FREM2: variants seen among roughly 807,000 people sequenced by gnomAD.
The protein encoded by FREM2 is FRAS1 related extracellular matrix 2, also known as FRAS1-related extracellular matrix protein 2.
Under a neutral mutation model 219.9 loss-of-function variants are expected in FREM2, and 119 were observed. The observed-to-expected ratio is 0.54, with a 90% CI of 0.47 to 0.63. The LOEUF (loss-of-function observed/expected upper bound fraction) is 0.63, where lower values mean the gene tolerates loss of function less well. Ranked by LOEUF, FREM2 falls within the 30% of genes least tolerant of loss-of-function variation. The pLI is 0.00. For synonymous variants in FREM2, 1,562 were observed against 1,522.8 expected (o/e 1.03, Z -0.60); for missense variants, 4,030 against 3,993.6 (o/e 1.01, Z -0.25).
At chr13:38,765,817 C>T (rs1873413559) in intron 3 of FREM2, among the ~76,000 whole-genome samples, 1 of 151,940 alleles carries the variant, frequency 6.6e-6, no homozygotes, top group Admixed American at 6.5e-5. Flanking sequence ...CGCGGCCTCA[C>T]CCCCAGCCTC....
At chr13:38,726,780 T>C (rs1243418509) in intron 2 of FREM2, among the ~76,000 whole-genome samples, 1 of 152,214 alleles carries the variant, frequency 6.6e-6, no homozygotes, top group Non-Finnish European at 1.5e-5. Context: ...TGCTCTTATA[T>C]GCTATTTTCA....
At chr13:38,790,617 A>C (rs1157695815) in intron 6 of FREM2, among the ~76,000 whole-genome samples, 1 of 152,166 alleles carries the variant, frequency 6.6e-6, no homozygotes, top group South Asian at 2.1e-4. Context: ...ATCAGTTCTC[A>C]TGTCAGGAAT....
At chr13:38,854,372 C>T (rs780230490) in intron 11 of FREM2, among the ~76,000 whole-genome samples, 9 of 151,998 alleles carry the variant, frequency 5.9e-5, no homozygotes, top group South Asian at 2.1e-4. Flanking sequence ...GCAATGAAAA[C>T]GAGTAAACCA....
chr13:38,728,613 G>A (rs1272099597), intron 2 of FREM2, among the ~76,000 whole-genome samples: 4 of 151,794 alleles, frequency 2.6e-5, no homozygotes, highest in African/African-American at 7.3e-5. Flanking sequence ...GTGTTTCACC[G>A]TGTTGCATAG....
chr13:38,798,036 A>G (rs970613650), intron 6 of FREM2, among the ~76,000 whole-genome samples: 10 of 152,094 alleles, frequency 6.6e-5, no homozygotes, highest in Admixed American at 3.3e-4. Context: ...GAAAGCAGGC[A>G]TCCTTATCTT....
Position 38,783,105 on chromosome 13 carries a change from G to A in FREM2, c.5677G>A (p.Val1893Ile), listed in dbSNP as rs548177107. ...TVFIPQSKYS[V>I]EEDVGELFIP... ...GTTTATTCCCCAGTCCAAATACTCC[G>A]TTGAAGAAGATGTTGGTGAGCTGTT... The change falls in exon 5 of 24, where the codon GTT becomes ATT. Residue 1893 changes from valine (V) to isoleucine (I), a missense_variant. Val to Ile is a conservative substitution (Grantham distance 29). Around this residue, in one of 2 missense-constraint regions of FREM2, gnomAD observed 3,102 missense variants for 2,950.7 expected, o/e 1.05. Coordinates refer to ENST00000280481, the MANE Select transcript of FREM2 (RefSeq NM_207361.6). 4.0e-5 allele frequency: 65 copies of A among 1,613,846 alleles called. No homozygotes were observed. Among genetic ancestry groups the A allele is most frequent in the Middle Eastern group, 3.4e-4 (2 of 5,970 alleles).
chr13:38,878,148 G>A lies in FREM2; in HGVS notation c.8686G>A (p.Gly2896Ser). The change falls in exon 22 of 24, where the codon GGT becomes AGT. Residue 2896 changes from glycine (G) to serine (S), a missense_variant. Gly to Ser is a moderately conservative substitution (Grantham distance 56, BLOSUM62 0). This residue lies in a region of FREM2 where 928 missense variants were observed against 1,042.9 expected (regional missense o/e 0.89). Coordinates refer to ENST00000280481, the MANE Select transcript of FREM2 (RefSeq NM_207361.6). ...CTCTATTTCAGGTGATATAATTTAT[G>A]GTCGTGTCATGGTGGATCCTGTCCA... is the stretch of plus-strand genomic sequence containing the variant. ...VAFAEGDIIYGRVMVDPVQNL... is the reference protein window; with the variant it reads ...VAFAEGDIIYSRVMVDPVQNL... 1 of 1,613,188 alleles carries A rather than the reference G, an allele frequency of 6.2e-7. No homozygotes were observed. The highest frequency in any genetic ancestry group is 8.5e-7 in the Non-Finnish European group (1 of 1,179,274).
chr13:38,768,661 T>G (rs1160513339), intron 3 of FREM2, among the ~76,000 whole-genome samples: 3 of 152,236 alleles, frequency 2.0e-5, no homozygotes, highest in African/African-American at 4.8e-5. Flanking sequence ...TTGAAAATTA[T>G]TCTATTAACT....
intron 2 of FREM2, among the ~76,000 whole-genome samples, chr13:38,737,843 A>T (rs1000982399): frequency 2.0e-5 from 3 of 152,196 alleles, no homozygotes; most frequent in Non-Finnish European, 2.9e-5. Context: ...TCAAGTCAAT[A>T]TGGAGTTAGT....
intron 6 of FREM2, among the ~76,000 whole-genome samples, chr13:38,842,914 G>C (rs779632988): frequency 6.6e-6 from 1 of 152,190 alleles, no homozygotes; most frequent in African/African-American, 2.4e-5. Context: ...CCCCAACCTT[G>C]AGAAGCGCAT....
chr13:38,721,589 T>A (rs1162426575), intron 2 of FREM2, among the ~76,000 whole-genome samples: 2 of 152,186 alleles, frequency 1.3e-5, no homozygotes, highest in African/African-American at 2.4e-5. Flanking sequence ...CTGTTGATAC[T>A]GACCCAAAAG....
intron 8 of FREM2, among the ~76,000 whole-genome samples, chr13:38,849,564 C>T (rs573193000): frequency 1.9e-4 from 29 of 152,272 alleles, no homozygotes; most frequent in African/African-American, 6.7e-4. Flanking sequence ...TTCAACAGTG[C>T]TTGGAGGAGT....
chr13:38,771,620 CT>C (rs1476150652), intron 4 of FREM2, among the ~76,000 whole-genome samples: 3 of 152,096 alleles, frequency 2.0e-5, no homozygotes, highest in Non-Finnish European at 1.5e-5. Flanking sequence ...CCAAATGAAA[CT>C]TTGCCATAAT....
At chr13:38,702,712 T>G (rs779273405) in intron 2 of FREM2, among the ~76,000 whole-genome samples, 2 of 151,706 alleles carry the variant, frequency 1.3e-5, no homozygotes, top group African/African-American at 4.8e-5. Flanking sequence ...GTAGGAGGAG[T>G]CTTACATTTG....
intron 11 of FREM2, among the ~76,000 whole-genome samples, chr13:38,852,566 A>G (rs961155029): frequency 6.6e-6 from 1 of 152,202 alleles, no homozygotes; most frequent in East Asian, 1.9e-4. Context: ...TCTAAACCAA[A>G]AAATTTTGTG....
chr13:38,734,951 T>C (rs1566121923), intron 2 of FREM2, among the ~76,000 whole-genome samples: 1 of 152,230 alleles, frequency 6.6e-6, no homozygotes, highest in African/African-American at 2.4e-5. Context: ...TTTCACCATA[T>C]TGGCCAGGCT....
intron 2 of FREM2, among the ~76,000 whole-genome samples, chr13:38,699,521 A>G (rs1056827580): frequency 6.6e-6 from 1 of 152,044 alleles, no homozygotes; most frequent in African/African-American, 2.4e-5. Flanking sequence ...GCCTCCAAAG[A>G]TTGTCTTTAT....
At chr13:38,876,984 T>TG in intron 20 of FREM2, 133 bp from the exon 21 acceptor site, 3 of 1,057,864 alleles carry the variant, frequency 2.8e-6, no homozygotes, top group Non-Finnish European at 4.4e-6. Flanking sequence ...TGAGTTAGCT[T>TG]GGTAGGGTGT....
intron 16 of FREM2, among the ~76,000 whole-genome samples, chr13:38,866,761 A>G (rs1273816071): frequency 4.0e-5 from 6 of 151,402 alleles, no homozygotes; most frequent in South Asian, 4.2e-4. Context: ...AATGTTTTCT[A>G]TCTTCTCCAC....
Sources: gnomAD v4.1 joint callset for allele counts (sites outside exome capture counted in the v4.1 genomes callset) on GRCh38, gnomAD v4.1.1 for gene constraint, gnomAD v4.1.1 regional missense constraint, MANE v1.5 for transcripts, NCBI Gene and HGNC (gene_info 2026-07-23, HGNC 2026-07-21) for gene names.